GNPDA2: variants seen among roughly 807,000 people sequenced by gnomAD.
The protein encoded by GNPDA2 is glucosamine-6-phosphate deaminase 2, also known as glcN6P deaminase 2.
A neutral mutation model predicts 27.0 loss-of-function variants in GNPDA2; 24 were observed. That is an observed-to-expected ratio of 0.89 (90% CI 0.64 to 1.25). The LOEUF (loss-of-function observed/expected upper bound fraction) is 1.25, where lower values mean the gene tolerates loss of function less well. Ranked by LOEUF, GNPDA2 falls within the 50% of genes most tolerant of loss-of-function variation. The pLI, the probability that GNPDA2 is intolerant of heterozygous loss-of-function variation, is 0.00. For missense variants in GNPDA2, 286 were observed against 335.1 expected, an observed-to-expected ratio of 0.85 and a Z score of 1.14; for synonymous variants, 94 against 108.4, an observed-to-expected ratio of 0.87 and a Z score of 0.83.
chr4:44,703,016 A>T lies in GNPDA2; in HGVS notation c.*65T>A. On this transcript the variant is annotated 3_prime_UTR_variant, in exon 7 of 7. Coordinates refer to ENST00000295448, the MANE Select transcript of GNPDA2 (RefSeq NM_138335.3). ...ATGTTTTGTCATATTGCATAGCTGA[A>T]AATTCATCTACTACTTAGTAAAAAG... 7 of 1,592,954 alleles carry T rather than the reference A, an allele frequency of 4.4e-6. No individual in the cohort carries two copies. The highest frequency in any genetic ancestry group is 3.4e-6 in the Non-Finnish European group (4 of 1,174,144).
At chr4:44,725,555 C>G (rs1300619385) in intron 1 of GNPDA2, among the ~76,000 whole-genome samples, 4 of 152,300 alleles carry the variant, frequency 2.6e-5, no homozygotes, top group East Asian at 3.9e-4. Flanking sequence ...GAAGTTTAAG[C>G]AAGTCTCTCA....
intron 5 of GNPDA2, 23 bp downstream of exon 5, chr4:44,710,930 A>G (rs770088618): frequency 6.6e-7 from 1 of 1,524,952 alleles, no homozygotes; most frequent in Middle Eastern, 1.8e-4. Context: ...AAAGAAAGAC[A>G]GCAAAGAATA....
At chr4:44,721,036 G>A (rs1717629140) in intron 2 of GNPDA2, among the ~76,000 whole-genome samples, 1 of 147,904 alleles carries the variant, frequency 6.8e-6, no homozygotes, top group Admixed American at 6.8e-5. Flanking sequence ...TGCTGGGGGT[G>A]TAGTACTGGT....
chr4:44,716,473 T>C (rs935702384), intron 4 of GNPDA2, among the ~76,000 whole-genome samples: 4 of 151,296 alleles, frequency 2.6e-5, no homozygotes, highest in Admixed American at 6.6e-5. Context: ...GAAAACCACG[T>C]TGTCATTACA....
intron 1 of GNPDA2, among the ~76,000 whole-genome samples, chr4:44,723,135 C>G (rs1717782832): frequency 6.6e-6 from 1 of 152,022 alleles, no homozygotes; most frequent in Admixed American, 6.5e-5. Flanking sequence ...CACTTAAAAG[C>G]TACATAATTC....
intron 6 of GNPDA2, chr4:44,704,417 A>C: frequency 1.1e-6 from 1 of 933,576 alleles, no homozygotes; most frequent in Non-Finnish European, 1.3e-6. Flanking sequence ...TTACGGAAAG[A>C]ATACACAGAG....
At chr4:44,712,168 T>C (rs1242224413) in intron 4 of GNPDA2, among the ~76,000 whole-genome samples, 1 of 152,144 alleles carries the variant, frequency 6.6e-6, no homozygotes. Context: ...AATCGAGTTT[T>C]ATTTATAAGT....
At chr4:44,704,087 C>T (rs1481158896) in intron 6 of GNPDA2, 8 of 984,900 alleles carry the variant, frequency 8.1e-6, no homozygotes, top group Non-Finnish European at 9.6e-6. Context: ...CTCTAAAATC[C>T]CAGCTTTGAG....
chr4:44,718,272 A>G, intron 3 of GNPDA2, 37 bp downstream of exon 3: 1 of 784,434 alleles, frequency 1.3e-6, no homozygotes, highest in Non-Finnish European at 2.1e-6. Flanking sequence ...AATATAACAT[A>G]CCCAAATAAT....
chr4:44,714,449 G>A (rs1717159830), intron 4 of GNPDA2: 1 of 985,034 alleles, frequency 1.0e-6, no homozygotes, highest in Non-Finnish European at 1.2e-6. Context: ...CAGAGGAAAG[G>A]GACCTCTGCT....
chr4:44,702,495 C>G lies in GNPDA2; in HGVS notation c.*586G>C, dbSNP rs1419233991. ...AAAAACATGCACTTACACATACTTTCCAAAAGGATGTAAACTGTACTTTTA... is the reference window on the plus strand; with the variant it reads ...AAAAACATGCACTTACACATACTTTGCAAAAGGATGTAAACTGTACTTTTA... On this transcript the variant is annotated 3_prime_UTR_variant, in exon 7 of 7. Transcript: ENST00000295448. 2 of 984,230 alleles carry G rather than the reference C, an allele frequency of 2.0e-6. No homozygotes were observed. The highest frequency in any genetic ancestry group is 3.5e-5 in the African/African-American group (2 of 57,198). 61.0% of individuals were successfully genotyped at this position (984,230 alleles called of 1,614,324 possible).
intron 3 of GNPDA2, among the ~76,000 whole-genome samples, chr4:44,718,018 A>G (rs1341871904): frequency 6.6e-6 from 1 of 151,898 alleles, no homozygotes; most frequent in African/African-American, 2.4e-5. Flanking sequence ...AAATGTGAGT[A>G]GACTGGCTTA....
chr4:44,722,052 C>A, intron 2 of GNPDA2, 32 bp downstream of exon 2: 2 of 1,476,190 alleles, frequency 1.4e-6, no homozygotes, highest in South Asian at 1.2e-5. Context: ...TAGATAATAT[C>A]AGAATATAAA....
intron 1 of GNPDA2, 143 bp downstream of exon 1, chr4:44,726,331 G>T: frequency 6.6e-6 from 1 of 152,358 alleles, no homozygotes; most frequent in Non-Finnish European, 1.5e-5. Context: ...CGCGCCCCCA[G>T]CCTCGAGGTT....
chr4:44,720,620 G>A (rs1056325644), intron 2 of GNPDA2, among the ~76,000 whole-genome samples: 3 of 152,084 alleles, frequency 2.0e-5, no homozygotes, highest in Admixed American at 6.6e-5. Flanking sequence ...TTGATAGGGA[G>A]ATAATTACAA....
intron 6 of GNPDA2, chr4:44,704,890 T>C (rs573832567): frequency 1.0e-6 from 1 of 983,528 alleles, no homozygotes; most frequent in Non-Finnish European, 1.2e-6. Context: ...TGTCATATAC[T>C]AAAAATCAAA....
At chr4:44,726,214 G>A (rs569480102) in intron 1 of GNPDA2, among the ~76,000 whole-genome samples, 13 of 152,216 alleles carry the variant, frequency 8.5e-5, no homozygotes, top group African/African-American at 2.9e-4. Context: ...GTAGAGAGAG[G>A]TGTCAAGAAG....
At chr4:44,705,084 A>G (rs1716506462) in intron 6 of GNPDA2, 1 of 984,892 alleles carries the variant, frequency 1.0e-6, no homozygotes, top group Non-Finnish European at 1.2e-6. Flanking sequence ...GTTAACCTAG[A>G]TCTTATCTAG....
At chr4:44,713,856 G>T (rs1006942734) in intron 4 of GNPDA2, among the ~76,000 whole-genome samples, 13 of 151,998 alleles carry the variant, frequency 8.6e-5, no homozygotes, top group African/African-American at 2.9e-4. Flanking sequence ...CTCCAGCCTG[G>T]GCAACAGAGC....
Sources: gnomAD v4.1 joint callset for allele counts (sites outside exome capture counted in the v4.1 genomes callset) on GRCh38, gnomAD v4.1.1 for gene constraint, MANE v1.5 for transcripts, NCBI Gene and HGNC (gene_info 2026-07-23, HGNC 2026-07-21) for gene names.